Variants in LANCL3 observed in about 807,000 individuals in gnomAD.
LANCL3 encodes the protein LanC like family member 3.
A neutral mutation model predicts 26.5 loss-of-function variants in LANCL3; 19 were observed. That is an observed-to-expected ratio of 0.72 (90% CI 0.50 to 1.05). The LOEUF is 1.05. Among genes scored for constraint, LANCL3 ranks in the 50% least tolerant of loss-of-function variants. The pLI, the probability that LANCL3 is intolerant of heterozygous loss-of-function variation, is 0.00. For missense variants in LANCL3, 318 were observed against 362.7 expected (o/e 0.88, Z 1.00); for synonymous variants, 160 against 166.6 (o/e 0.96, Z 0.30).
At position 37,665,626 on chromosome X, in the gene LANCL3, G is replaced by A. The variant is rs1602135403; in HGVS notation, c.896-1656G>A. Among the ~76,000 whole-genome samples, 3 of 112,219 alleles carry A rather than the reference G, an allele frequency of 2.7e-5. No individual in the cohort carries two copies. In the Admixed American group the frequency reaches 2.8e-4, roughly 11 times the overall value. ...CTCCCTTTTTAGAGAGTGCCTTCCT[G>A]AAGGGTAGGAGTCATGTTTAGCATT... On this transcript the variant is annotated intron_variant, in intron 3 of 4. Transcript: ENST00000378619.
At chrX:37,608,463 A>G (rs782395433) in intron 1 of LANCL3, among the ~76,000 whole-genome samples, 1 of 111,719 alleles carries the variant, frequency 9.0e-6, no homozygotes, top group East Asian at 2.8e-4. Flanking sequence ...CACTGGTCAA[A>G]GGGATAGGAG....
intron 1 of LANCL3, among the ~76,000 whole-genome samples, chrX:37,626,454 A>T (rs1602113748): frequency 8.9e-6 from 1 of 112,359 alleles, no homozygotes; most frequent in Admixed American, 9.4e-5. Context: ...CAAACCATTT[A>T]TTCACTAAGC....
At chrX:37,634,039 G>T (rs1391317754) in intron 1 of LANCL3, among the ~76,000 whole-genome samples, 2 of 112,683 alleles carry the variant, frequency 1.8e-5, no homozygotes, top group Non-Finnish European at 3.8e-5. Flanking sequence ...CCCAGAGGTG[G>T]AGCCTACAGA....
chrX:37,572,091 A>G lies in LANCL3; in HGVS notation c.221A>G (p.Tyr74Cys). Reference sequence around the variant, plus strand: ...TATGGCGGCGTGGCCGGAGTGGCGTATATGCTCTACCACGTCTCGCAGAGC... The same window carrying G: ...TATGGCGGCGTGGCCGGAGTGGCGTGTATGCTCTACCACGTCTCGCAGAGC... ...GLYGGVAGVAYMLYHVSQSPL... is the reference protein window; with the variant it reads ...GLYGGVAGVACMLYHVSQSPL... Residue 74 changes from tyrosine to cysteine, a missense_variant, in exon 1 of 5, where the codon TAT becomes TGT. Transcript: ENST00000378619. The G allele has an allele frequency of 1.7e-6, 2 of 1,186,967 alleles. No homozygotes were observed. The highest frequency in any genetic ancestry group is 2.3e-6 in the Non-Finnish European group (2 of 886,899).
chrX:37,629,988 A>C (rs1165545021), intron 1 of LANCL3, among the ~76,000 whole-genome samples: 1 of 111,657 alleles, frequency 9.0e-6, no homozygotes, highest in Non-Finnish European at 1.9e-5. Flanking sequence ...TCTGTGAAGA[A>C]AGTCATTGGT....
At chrX:37,655,519 A>G (rs1556430468) in intron 1 of LANCL3, among the ~76,000 whole-genome samples, 169 bp from the exon 2 acceptor site, 1 of 112,489 alleles carries the variant, frequency 8.9e-6, no homozygotes, top group Non-Finnish European at 1.9e-5. Flanking sequence ...ACTTGACAAC[A>G]AAGGAAGAAT....
At chrX:37,669,230 T>G (rs976250574) in intron 4 of LANCL3, among the ~76,000 whole-genome samples, 2 of 111,265 alleles carry the variant, frequency 1.8e-5, no homozygotes. Flanking sequence ...TGAGACAGGG[T>G]CTCACTCAGG....
chrX:37,593,812 A>G (rs1246121421), intron 1 of LANCL3, among the ~76,000 whole-genome samples: 1 of 112,426 alleles, frequency 8.9e-6, no homozygotes, highest in Non-Finnish European at 1.9e-5. Context: ...AATGCCATCT[A>G]ATAACAGAAA....
chrX:37,588,619 A>G lies in LANCL3; in HGVS notation c.573+16176A>G, dbSNP rs782399455. ...AAACTGAATTTTCAAGAAGTATTTG[A>G]TCTTTCTTTTTGCAAGCTGAATAAA... On this transcript the variant is annotated intron_variant, in intron 1 of 4. Transcript: ENST00000378619. Among the ~76,000 whole-genome samples the G allele has an allele frequency of 4.5e-5, 5 of 111,829 alleles. No individual in the cohort carries two copies. The East Asian group carries it at 1.4e-3, about 31-fold the overall frequency.
chrX:37,617,723 C>T (rs1413638234), intron 1 of LANCL3, among the ~76,000 whole-genome samples: 16 of 111,182 alleles, frequency 1.4e-4, no homozygotes. Context: ...TTGAGTAAGC[C>T]ACCAACAGCC....
intron 1 of LANCL3, among the ~76,000 whole-genome samples, chrX:37,588,256 A>T (rs1924163663): frequency 9.0e-6 from 1 of 111,688 alleles, no homozygotes; most frequent in African/African-American, 3.3e-5. Flanking sequence ...CCTCCAAGTG[A>T]CAGGGCGGTC....
chrX:37,611,501 C>T (rs1924868905), intron 1 of LANCL3, among the ~76,000 whole-genome samples: 2 of 111,710 alleles, frequency 1.8e-5, no homozygotes, highest in African/African-American at 6.5e-5. Flanking sequence ...CCTGTGGTCC[C>T]CTTCTGGTGT....
chrX:37,641,871 G>A (rs1602123418), intron 1 of LANCL3, among the ~76,000 whole-genome samples: 1 of 111,759 alleles, frequency 8.9e-6, no homozygotes, highest in South Asian at 3.8e-4. Context: ...TCCTGGAAAA[G>A]AAGATAATTG....
intron 1 of LANCL3, among the ~76,000 whole-genome samples, chrX:37,589,933 A>G (rs1163631745): frequency 1.8e-5 from 2 of 112,146 alleles, no homozygotes; most frequent in Admixed American, 1.9e-4. Context: ...GTCAAAGTAA[A>G]TTGAGTGGGC....
chrX:37,666,322 A>G (rs1357568494), intron 3 of LANCL3, among the ~76,000 whole-genome samples: 1 of 112,179 alleles, frequency 8.9e-6, no homozygotes, highest in Non-Finnish European at 1.9e-5. Context: ...GGCAGAGGGA[A>G]GTCAACCTCT....
At chrX:37,602,087 G>T (rs1924589543) in intron 1 of LANCL3, among the ~76,000 whole-genome samples, 1 of 111,366 alleles carries the variant, frequency 9.0e-6, no homozygotes, top group Non-Finnish European at 1.9e-5. Flanking sequence ...TGGGAGTTTT[G>T]GTAGAGAGAA....
At position 37,659,656 on chromosome X, in the gene LANCL3, C is replaced by G. The variant is rs782163133; in HGVS notation, c.892C>G (p.Pro298Ala). 2.5e-6 allele frequency: 3 copies of G among 1,206,813 alleles called. No homozygotes were observed. The South Asian group carries it at 5.3e-5, about 21-fold the overall frequency. Residue 298 changes from proline to alanine, a missense_variant, in exon 3 of 5, where the codon CCA becomes GCA. Pro to Ala is a conservative substitution (Grantham distance 27). Transcript: ENST00000378619. ...NELVHWCHGA[P>A]GIAYLFAKAY... ...GCTGGTGCACTGGTGCCATGGCGCT[C>G]CAGGTCTCACACACTCTGTTACCTA...
At chrX:37,586,361 A>T (rs1304846510) in intron 1 of LANCL3, among the ~76,000 whole-genome samples, 1 of 111,569 alleles carries the variant, frequency 9.0e-6, no homozygotes, top group East Asian at 2.8e-4. Context: ...TAGGTTGGGG[A>T]AGTTCTCCTG....
chrX:37,572,315 A>G lies in LANCL3; in HGVS notation c.445A>G (p.Lys149Glu), dbSNP rs1473957743. 2.4e-5 allele frequency: 28 copies of G among 1,159,688 alleles called. No homozygotes were observed. Among genetic ancestry groups the G allele is most frequent in the Non-Finnish European group, 3.1e-5 (27 of 870,840 alleles). The change falls in exon 1 of 5, where the codon AAG (lysine) becomes GAG (glutamate). Residue 149 changes from lysine (K) to glutamate (E), a missense_variant. Transcript: ENST00000378619. Reference sequence around the variant, plus strand: ...GTCCGACTACGTGCAGCCGCTGGGCAAGTTCCGGGCTCTGTGTGCCGTCTG... The same window carrying G: ...GTCCGACTACGTGCAGCCGCTGGGCGAGTTCCGGGCTCTGTGTGCCGTCTG... The part of the protein sequence containing the change: ...GRSDYVQPLG[K>E]FRALCAVCAP...
Sources: gnomAD v4.1 joint callset for allele counts (sites outside exome capture counted in the v4.1 genomes callset) on GRCh38, gnomAD v4.1.1 for gene constraint, MANE v1.5 for transcripts, NCBI Gene and HGNC (gene_info 2026-07-23, HGNC 2026-07-21) for gene names.